The following TJP2 variants were observed in gnomAD, a reference collection of about 807,000 sequenced individuals.
TJP2 encodes tight junction protein 2, also known as Friedreich ataxia region gene X104 (tight junction protein ZO-2).
In TJP2, 91 loss-of-function variants were observed where a neutral mutation model predicts 133.1. The observed-to-expected ratio is 0.68, with a 90% CI of 0.58 to 0.81. The LOEUF (loss-of-function observed/expected upper bound fraction) is 0.81, where lower values mean the gene tolerates loss of function less well. Among genes scored for constraint, TJP2 ranks in the 40% least tolerant of loss-of-function variants. TJP2 has a pLI of 0.00. For synonymous variants in TJP2, 592 were observed against 583.4 expected (o/e 1.01, Z -0.21); for missense variants, 1,541 against 1,565.6 (o/e 0.98, Z 0.26).
rs950336582 is a variant in TJP2, at chr9:69,255,201, G to A, written c.*827G>A. The A allele has an allele frequency of 1.3e-5, 2 of 152,172 alleles. No homozygotes were observed. Among genetic ancestry groups the A allele is most frequent in the African/African-American group, 2.4e-5 (1 of 41,450 alleles). 9.4% of individuals were successfully genotyped at this position (152,172 alleles called of 1,614,324 possible). The stretch of plus-strand genomic sequence containing the variant: ...AATAAAAAGGAATACATTGCAATCC[G>A]TAATTTTCTTTGTGGTGGATTTGTA... On this transcript the variant is annotated 3_prime_UTR_variant, in exon 23 of 23. Transcript: ENST00000377245.
At chr9:69,252,231 G>A (rs987263351) in intron 21 of TJP2, among the ~76,000 whole-genome samples, 4 of 152,122 alleles carry the variant, frequency 2.6e-5, no homozygotes, top group Non-Finnish European at 4.4e-5. Context: ...CTGGGCTCAA[G>A]CAATGCACCC....
chr9:69,253,841 C>G (rs192239693), intron 22 of TJP2: 23 of 338,256 alleles, frequency 6.8e-5, no homozygotes, highest in East Asian at 4.5e-4. Flanking sequence ...GTAACACAGT[C>G]AACCAGGTTG....
rs752545256 is a variant in TJP2, at chr9:69,251,358, T to G, written c.3315T>G (p.Asn1105Lys). 4.3e-6 allele frequency: 7 copies of G among 1,613,226 alleles called. No individual in the cohort carries two copies. Among genetic ancestry groups the G allele is most frequent in the Admixed American group, 1.7e-5 (1 of 60,004 alleles). ...TGCAGGAGCTCCAGGAAGCACAGAA[T>G]GCAAGGGTAATTGTTTTTAAACTAC... Reference protein sequence around the residue: ...QRMQELQEAQNARIEIAQKHP... With the variant: ...QRMQELQEAQKARIEIAQKHP... The change falls in exon 21 of 23, where the codon AAT (asparagine) becomes AAG (lysine). Residue 1105 changes from asparagine to lysine, a missense_variant. Physicochemically the swap from Asn to Lys is moderately conservative, Grantham distance 94. Transcript: ENST00000377245.
intron 11 of TJP2, among the ~76,000 whole-genome samples, chr9:69,231,957 A>G (rs530013982): frequency 2.0e-5 from 3 of 152,306 alleles, no homozygotes; most frequent in South Asian, 4.1e-4. Context: ...AGGTTCAATG[A>G]TAAAATATTT....
intron 1 of TJP2, among the ~76,000 whole-genome samples, chr9:69,150,376 C>T (rs1008197284): frequency 2.0e-5 from 3 of 151,030 alleles, no homozygotes; most frequent in African/African-American, 7.3e-5. Flanking sequence ...TCACTGCAAC[C>T]TCTGCCTCCT....
intron 1 of TJP2, among the ~76,000 whole-genome samples, chr9:69,130,485 G>A (rs1372715992): frequency 3.3e-5 from 5 of 152,118 alleles, no homozygotes; most frequent in African/African-American, 7.2e-5. Flanking sequence ...TTCTGATTGC[G>A]TAGATCTGGG....
chr9:69,145,755 C>T, intron 1 of TJP2: 4 of 1,231,968 alleles, frequency 3.2e-6, no homozygotes, highest in Non-Finnish European at 4.0e-6. Context: ...TGGTATTACC[C>T]CACTTAACAA....
At chr9:69,214,235 G>A (rs1392265155) in intron 2 of TJP2, among the ~76,000 whole-genome samples, 1 of 152,014 alleles carries the variant, frequency 6.6e-6, no homozygotes, top group East Asian at 1.9e-4. Context: ...ACAGGGGTGT[G>A]CCACCACACC....
rs1829898320 is a variant in TJP2, at chr9:69,232,926, G to A, written c.1672-1513G>A. On this transcript the variant is annotated intron_variant, in intron 11 of 22. Transcript: ENST00000377245. ...GACTGATCTAAGGTTAATCTCTTGT[G>A]GCCAGAGAGATGGACTGAAGGACTC... Among the ~76,000 whole-genome samples the A allele has an allele frequency of 2.0e-5, 3 of 152,264 alleles. No individual in the cohort carries two copies. In the South Asian group the frequency reaches 6.2e-4, roughly 32 times the overall value.
At chr9:69,176,383 A>T (rs1825090569) in intron 1 of TJP2, among the ~76,000 whole-genome samples, 1 of 152,190 alleles carries the variant, frequency 6.6e-6, no homozygotes, top group Non-Finnish European at 1.5e-5. Context: ...TCCTGGGTTG[A>T]TAAGGGAGGT....
intron 2 of TJP2, 61 bp downstream of exon 2, chr9:69,212,662 C>A: frequency 1.4e-6 from 2 of 1,422,492 alleles, no homozygotes; most frequent in Non-Finnish European, 9.9e-7. Context: ...GATCATGGAT[C>A]TTATTTATTT....
rs1420346759 is a variant in TJP2, at chr9:69,137,053, C to T, written c.-130-14598C>T. Among the ~76,000 whole-genome samples the T allele has an allele frequency of 2.6e-5, 4 of 152,246 alleles. No individual in the cohort carries two copies. The East Asian group carries it at 7.7e-4, about 29-fold the overall frequency. On this transcript the variant is annotated intron_variant, in intron 1 of 5. Coordinates refer to the TJP2 transcript ENST00000423935. The stretch of plus-strand genomic sequence containing the variant: ...TCAGCCCTGCTGCGTAGGAGCTGTG[C>T]GATCCAGGCCAGGTTCCTTAGCTCT...
At chr9:69,194,260 T>G (rs1344662379) in intron 1 of TJP2, among the ~76,000 whole-genome samples, 1 of 152,096 alleles carries the variant, frequency 6.6e-6, no homozygotes, top group African/African-American at 2.4e-5. Context: ...TTTTTGAAAA[T>G]AAGTACTATT....
intron 1 of TJP2, among the ~76,000 whole-genome samples, chr9:69,207,975 T>C (rs1827569237): frequency 6.6e-6 from 1 of 152,248 alleles, no homozygotes; most frequent in South Asian, 2.1e-4. Context: ...GTTGGTAAGC[T>C]GCCCAAGGGC....
At chr9:69,132,845 T>C (rs564361403) in intron 1 of TJP2, among the ~76,000 whole-genome samples, 1 of 152,328 alleles carries the variant, frequency 6.6e-6, no homozygotes, top group South Asian at 2.1e-4. Context: ...AATTTTATAA[T>C]CAGACCAACC....
intron 1 of TJP2, among the ~76,000 whole-genome samples, chr9:69,150,749 G>T (rs1443115859): frequency 5.3e-5 from 8 of 152,118 alleles, no homozygotes; most frequent in Admixed American, 5.2e-4. Flanking sequence ...ATTTTTTGAA[G>T]ACTGAAAACA....
Position 69,226,028 on chromosome 9 carries a change from G to T in TJP2, c.1063G>T (p.Gly355Trp). 5.0e-6 allele frequency: 8 copies of T among 1,614,024 alleles called. No homozygotes were observed. Among genetic ancestry groups the T allele is most frequent in the Non-Finnish European group, 5.9e-6 (7 of 1,179,968 alleles). Residue 355 changes from glycine (G) to tryptophan (W), a missense_variant, in exon 7 of 23, where the codon GGG becomes TGG. Coordinates refer to ENST00000377245, the MANE Select transcript of TJP2 (RefSeq NM_004817.4). ...CCATTTTTTATAAACACAGATCAATGGGACTGTAACTGAGAACATGTCTTT... is the reference window on the plus strand; with the variant it reads ...CCATTTTTTATAAACACAGATCAATTGGACTGTAACTGAGAACATGTCTTT... Reference protein sequence around the residue: ...HEGDIILKINGTVTENMSLTD... With the variant: ...HEGDIILKINWTVTENMSLTD...
chr9:69,241,719 G>A (rs540492704), intron 17 of TJP2, among the ~76,000 whole-genome samples: 38 of 152,296 alleles, frequency 2.5e-4, no homozygotes, highest in African/African-American at 8.9e-4. Context: ...CAACAGTAAA[G>A]AGTGGTACAG....
chr9:69,221,444 G>T lies in TJP2; in HGVS notation c.900G>T (p.Arg300Ser). ...CACGGAGCCCCAGCCCCGAGCCTAGGGGGCGGCCGGGGCCCATCGGGGTCC... is the reference window on the plus strand; with the variant it reads ...CACGGAGCCCCAGCCCCGAGCCTAGTGGGCGGCCGGGGCCCATCGGGGTCC... ...PHSRSPSPEPRGRPGPIGVLL... is the reference protein window; with the variant it reads ...PHSRSPSPEPSGRPGPIGVLL... Residue 300 changes from arginine to serine, a missense_variant, in exon 5 of 23, where the codon AGG becomes AGT. Coordinates refer to ENST00000377245, the MANE Select transcript of TJP2 (RefSeq NM_004817.4). The T allele has an allele frequency of 6.3e-7, 1 of 1,594,742 alleles. No individual in the cohort carries two copies. The highest frequency in any genetic ancestry group is 1.1e-5 in the South Asian group (1 of 88,348).
Sources: allele counts gnomAD v4.1 joint callset (sites outside exome capture counted in the v4.1 genomes callset), GRCh38; gene constraint gnomAD v4.1.1; transcripts MANE v1.5; gene names NCBI Gene and HGNC (gene_info 2026-07-23, HGNC 2026-07-21).